Variants in LINGO2 observed in about 807,000 individuals in gnomAD.
LINGO2 encodes the protein leucine-rich repeat and immunoglobulin-like domain-containing nogo receptor-interacting protein 2.
A neutral mutation model predicts 30.6 loss-of-function variants in LINGO2; 14 were observed. The observed-to-expected ratio is 0.46, with a 90% CI of 0.30 to 0.72. The LOEUF is 0.72. Among genes scored for constraint, LINGO2 ranks in the 30% least tolerant of loss-of-function variants. The pLI is 0.07. For synonymous variants in LINGO2, 317 were observed against 288.5 expected, an observed-to-expected ratio of 1.10 and a Z score of -1.00; for missense variants, 729 against 751.7, an observed-to-expected ratio of 0.97 and a Z score of 0.35.
chr9:29,090,755 A>C, the LINGO2 span, among the ~76,000 whole-genome samples: 1 of 148,542 alleles, frequency 6.7e-6, no homozygotes, highest in African/African-American at 2.5e-5. Flanking sequence ...ATCTAAAGTC[A>C]GAATTTTAGT....
chr9:28,244,192 C>T (rs1821914166), intron 4 of LINGO2, among the ~76,000 whole-genome samples: 1 of 152,198 alleles, frequency 6.6e-6, no homozygotes, highest in African/African-American at 2.4e-5. Context: ...CACACAATTA[C>T]ATGGAAATTG....
chr9:28,939,014 A>T, the LINGO2 span, among the ~76,000 whole-genome samples: 1 of 152,102 alleles, frequency 6.6e-6, no homozygotes, highest in African/African-American at 2.4e-5. Flanking sequence ...CAATTTAATG[A>T]ACTTTACTTT....
At chr9:28,918,007 A>T in the LINGO2 span, among the ~76,000 whole-genome samples, 17,139 of 152,048 alleles carry the variant, frequency 0.11, 963 homozygotes, top group South Asian at 0.16. Flanking sequence ...TCACTAACAG[A>T]TCCCTAAGGT....
chr9:28,678,552 T>G, the LINGO2 span, among the ~76,000 whole-genome samples: 7 of 152,144 alleles, frequency 4.6e-5, no homozygotes, highest in Admixed American at 3.9e-4. Context: ...CTTGCTAGAC[T>G]GCATGATGTT....
At chr9:29,208,281 C>T in the LINGO2 span, among the ~76,000 whole-genome samples, 1 of 151,982 alleles carries the variant, frequency 6.6e-6, no homozygotes, top group Non-Finnish European at 1.5e-5. Context: ...AGAAACCCAA[C>T]TGAGACTTTA....
the LINGO2 span, among the ~76,000 whole-genome samples, chr9:28,861,255 A>AT: frequency 8.2e-6 from 1 of 121,226 alleles, no homozygotes; most frequent in Admixed American, 1.1e-4. Flanking sequence ...TTTATACAAT[A>AT]TTATATAAAA....
At chr9:28,594,664 C>T (rs1825087024) in intron 1 of LINGO2, among the ~76,000 whole-genome samples, 1 of 152,030 alleles carries the variant, frequency 6.6e-6, no homozygotes, top group African/African-American at 2.4e-5. Context: ...GCAGCCAAGG[C>T]TTAAGTTAAT....
chr9:28,922,983 C>T, the LINGO2 span, among the ~76,000 whole-genome samples: 24 of 152,014 alleles, frequency 1.6e-4, no homozygotes, highest in African/African-American at 3.4e-4. Flanking sequence ...ATGAATACAA[C>T]GCAAGGATTG....
At chr9:29,070,337 C>T in the LINGO2 span, among the ~76,000 whole-genome samples, 1 of 152,032 alleles carries the variant, frequency 6.6e-6, no homozygotes, top group Non-Finnish European at 1.5e-5. Context: ...TTGGGTGGAA[C>T]AACCCTTTAA....
At chr9:28,018,424 G>T (rs1007075969) in intron 4 of LINGO2, among the ~76,000 whole-genome samples, 8 of 152,026 alleles carry the variant, frequency 5.3e-5, no homozygotes, top group Non-Finnish European at 1.0e-4. Flanking sequence ...TCCCATTATA[G>T]AATCAGAGAA....
At chr9:28,937,233 A>G in the LINGO2 span, among the ~76,000 whole-genome samples, 2 of 151,254 alleles carry the variant, frequency 1.3e-5, no homozygotes, top group African/African-American at 4.8e-5. Flanking sequence ...CCATCCCAGT[A>G]TCGACTCCAA....
the LINGO2 span, among the ~76,000 whole-genome samples, chr9:28,900,875 T>A: frequency 1.3e-4 from 20 of 152,182 alleles, no homozygotes; most frequent in Non-Finnish European, 2.8e-4. Context: ...AACAATTGGT[T>A]TAAGGAGTTC....
At chr9:28,885,376 T>TACACACAC in the LINGO2 span, among the ~76,000 whole-genome samples, 2 of 26,154 alleles carry the variant, frequency 7.6e-5, no homozygotes, top group Non-Finnish European at 4.4e-4. Flanking sequence ...CACACACACA[T>TACACACAC]ATATATATAC....
chr9:28,518,447 A>T (rs145064429), intron 1 of LINGO2, among the ~76,000 whole-genome samples: 1 of 152,178 alleles, frequency 6.6e-6, no homozygotes, highest in Non-Finnish European at 1.5e-5. Flanking sequence ...TCATTTCAAC[A>T]TAGGGGTTAC....
the LINGO2 span, among the ~76,000 whole-genome samples, chr9:28,861,138 T>TATAAAATATA: frequency 4.8e-4 from 33 of 68,974 alleles, no homozygotes; most frequent in African/African-American, 1.7e-3. Flanking sequence ...TTATATAAAT[T>TATAAAATATA]TTTATATAAT....
chr9:28,639,103 G>T (rs1011441133), intron 1 of LINGO2, among the ~76,000 whole-genome samples: 13 of 152,142 alleles, frequency 8.5e-5, no homozygotes, highest in Non-Finnish European at 1.9e-4. Context: ...GGAGCAGGTT[G>T]TTCAGTTTCC....
chr9:28,690,822 T>C, the LINGO2 span, among the ~76,000 whole-genome samples: 415 of 152,290 alleles, frequency 2.7e-3, 3 homozygotes, highest in African/African-American at 9.5e-3. Flanking sequence ...CTCTTAAGAT[T>C]AATAGACCAA....
chr9:28,922,391 T>C, the LINGO2 span, among the ~76,000 whole-genome samples: 1 of 152,026 alleles, frequency 6.6e-6, no homozygotes, highest in African/African-American at 2.4e-5. Flanking sequence ...TTTTTTTAAA[T>C]AAAACAAGGG....
intron 3 of LINGO2, among the ~76,000 whole-genome samples, chr9:28,340,876 A>G (rs1825743644): frequency 6.6e-6 from 1 of 152,160 alleles, no homozygotes; most frequent in Non-Finnish European, 1.5e-5. Flanking sequence ...ATATTTTAGT[A>G]ACGGAATCAT....
Sources: allele counts gnomAD v4.1 joint callset (sites outside exome capture counted in the v4.1 genomes callset), GRCh38; gene constraint gnomAD v4.1.1; transcripts MANE v1.5; gene names NCBI Gene and HGNC (gene_info 2026-07-23, HGNC 2026-07-21).